Variants in RAD17 observed in about 807,000 individuals in gnomAD.
The protein encoded by RAD17 is RAD17 checkpoint clamp loader component.
In RAD17, 31 loss-of-function variants were observed where a neutral mutation model predicts 81.5. The ratio of observed to expected loss-of-function variants is 0.38; its 90% CI spans 0.29 to 0.51. The LOEUF (loss-of-function observed/expected upper bound fraction) is 0.51, where lower values mean the gene tolerates loss of function less well. RAD17 is among the 20% of genes least tolerant of loss of function. The pLI, the probability that RAD17 is intolerant of heterozygous loss-of-function variation, is 0.88. For missense variants in RAD17, 681 were observed against 781.2 expected (o/e 0.87, Z 1.53); for synonymous variants, 261 against 266.2 (o/e 0.98, Z 0.19).
intron 6 of RAD17, among the ~76,000 whole-genome samples, chr5:69,379,031 C>T (rs1264135412): frequency 6.6e-6 from 1 of 152,146 alleles, no homozygotes; most frequent in Non-Finnish European, 1.5e-5. Flanking sequence ...TACCTGATGT[C>T]AGGAATTCGA....
chr5:69,390,411 T>C (rs1764479202), intron 12 of RAD17, among the ~76,000 whole-genome samples: 1 of 152,124 alleles, frequency 6.6e-6, no homozygotes, highest in Admixed American at 6.5e-5. Flanking sequence ...GGTGGATCAC[T>C]TGAGCCTAGG....
chr5:69,370,462 C>G (rs1272056060), intron 1 of RAD17, among the ~76,000 whole-genome samples: 1 of 152,146 alleles, frequency 6.6e-6, no homozygotes, highest in Non-Finnish European at 1.5e-5. Flanking sequence ...GCCTTAGCCT[C>G]CAGAGTAGCT....
At chr5:69,395,512 A>G (rs1764827586) in intron 15 of RAD17, among the ~76,000 whole-genome samples, 1 of 152,164 alleles carries the variant, frequency 6.6e-6, no homozygotes. Context: ...ACCCTATTTT[A>G]AATAATAATA....
chr5:69,375,626 G>GTC (rs17229866), intron 6 of RAD17, among the ~76,000 whole-genome samples: 129,443 of 151,976 alleles, frequency 0.85, 56,435 homozygotes, highest in Non-Finnish European at 0.95. Context: ...ACTTCAGTAT[G>GTC]TCTGTTTTTT....
chr5:69,393,326 A>G (rs1287366097), intron 14 of RAD17, 28 bp from the exon 15 acceptor site: 1 of 1,580,350 alleles, frequency 6.3e-7, no homozygotes, highest in East Asian at 2.2e-5. Context: ...TTTTTACCAA[A>G]TTTATGTATA....
chr5:69,384,757 C>A (rs746574760), intron 7 of RAD17, 40 bp from the exon 8 acceptor site: 65 of 1,549,586 alleles, frequency 4.2e-5, no homozygotes, highest in Non-Finnish European at 5.4e-5. Flanking sequence ...TAATGTATAT[C>A]ATTTGTTGAA....
chr5:69,404,443 G>T (rs1372142490), intron 17 of RAD17, among the ~76,000 whole-genome samples: 2 of 152,114 alleles, frequency 1.3e-5, no homozygotes, highest in Non-Finnish European at 2.9e-5. Flanking sequence ...TCCAGCCTGG[G>T]CAACATGGTG....
In RAD17 at chr5:69,396,461, A is replaced by G. The variant is rs1480262397; in HGVS notation, c.1487A>G (p.Lys496Arg). Reference protein sequence around the residue: ...IATRGVMHSNKARGYAHCQGG... With the variant: ...IATRGVMHSNRARGYAHCQGG... ...ACGAGAGGTGTGATGCATTCCAACA[A>G]AGCCCGAGGATATGCTCATTGCCAA... The change falls in exon 16 of 19, where the codon AAA becomes AGA. Residue 496 changes from lysine (K) to arginine (R), a missense_variant. Lys to Arg is a conservative substitution (Grantham distance 26). Coordinates refer to ENST00000354868, the MANE Select transcript of RAD17 (RefSeq NM_133338.3). 6.2e-7 allele frequency: 1 copy of G among 1,613,708 alleles called. No individual in the cohort carries two copies. Among genetic ancestry groups the G allele is most frequent in the African/African-American group, 1.3e-5 (1 of 74,898 alleles).
intron 18 of RAD17, among the ~76,000 whole-genome samples, chr5:69,413,317 T>TA (rs1344641259): frequency 2.6e-5 from 4 of 152,118 alleles, no homozygotes; most frequent in Non-Finnish European, 5.9e-5. Context: ...CATGTGCCTG[T>TA]AATCCCAGCT....
chr5:69,386,470 G>A lies in RAD17; in HGVS notation c.894+5G>A. On this transcript the variant is annotated splice_donor_5th_base_variant and intron_variant, in intron 11 of 18. Transcript: ENST00000354868. The stretch of plus-strand genomic sequence containing the variant: ...GTGACTATAGAAGCTAACAAGGTAA[G>A]TCTCTGATTAATTAAACCTTACTCG... The A allele has an allele frequency of 6.3e-7, 1 of 1,576,550 alleles. No homozygotes were observed. Among genetic ancestry groups the A allele is most frequent in the Non-Finnish European group, 8.6e-7 (1 of 1,166,304 alleles).
rs1165051759 is a variant in RAD17 at position 69,386,301 on chromosome 5, A to G, written c.820A>G (p.Ile274Val). 6.3e-7 allele frequency: 1 copy of G among 1,593,394 alleles called. No individual in the cohort carries two copies. The highest frequency in any genetic ancestry group is 2.2e-5 in the East Asian group (1 of 44,504). ...EIQEECSISNISFNPVAPTIM... is the reference protein window; with the variant it reads ...EIQEECSISNVSFNPVAPTIM... Reference sequence around the variant, plus strand: ...TCAGGAAGAGTGTTCTATCTCAAATATTAGGTAAGAAAGAAATTTCTGCTT... The same window carrying G: ...TCAGGAAGAGTGTTCTATCTCAAATGTTAGGTAAGAAAGAAATTTCTGCTT... Residue 274 changes from isoleucine to valine, a missense_variant, in exon 10 of 19, where the codon ATT becomes GTT. Physicochemically the swap from Ile to Val is conservative, Grantham distance 29 (BLOSUM62 3). Transcript: ENST00000354868.
Position 69,384,930 on chromosome 5 carries a change from T to A in RAD17, c.642T>A (p.Val214=). The change falls in exon 8 of 19, where the codon GTT becomes GTA. Residue 214 remains valine (V), a synonymous_variant. Transcript: ENST00000354868. ...DLRTDKKIIL[V]EDLPNQFYRD... is the part of the protein sequence containing the mutation. ...GAACTGATAAGAAGATAATTCTGGT[T>A]GAAGTAAGGACAACTTTTAAAATCT... is the stretch of plus-strand genomic sequence containing the variant. 2 of 1,583,878 alleles carry A rather than the reference T, an allele frequency of 1.3e-6. No individual in the cohort carries two copies. The highest frequency in any genetic ancestry group is 1.2e-5 in the South Asian group (1 of 84,588).
rs1219448681 is a variant in RAD17, at chr5:69,377,548, TGC to T, written c.351+2838_351+2839del. On this transcript the variant is annotated intron_variant, in intron 6 of 18. Coordinates refer to ENST00000354868, the MANE Select transcript of RAD17 (RefSeq NM_133338.3). The stretch of plus-strand genomic sequence containing the variant: ...ATATGTGTATATATACGTATATATA[TGC>T]ATATATATGTATATATATATGCATA... 3.4e-4 allele frequency among the ~76,000 whole-genome samples: 8 copies of T among 23,632 alleles called. 3 individuals carry two copies. Among genetic ancestry groups the T allele is most frequent in the Admixed American group, 1.1e-3 (2 of 1,856 alleles). The allele number at this position is 23,632 out of a possible 152,430, so 15.5% of individuals were successfully genotyped here. A position where few individuals can be genotyped will look rare whatever the true frequency, so the allele number is the denominator to read the frequency against.
intron 17 of RAD17, among the ~76,000 whole-genome samples, chr5:69,406,041 C>CAA (rs57655302): frequency 3.0e-4 from 38 of 127,412 alleles, no homozygotes; most frequent in African/African-American, 1.1e-3. Flanking sequence ...GACTCCATCT[C>CAA]AAAAAAAAAA....
At chr5:69,374,756 TC>T (rs769918609) in intron 6 of RAD17, 45 bp downstream of exon 6, 135 of 1,443,326 alleles carry the variant, frequency 9.4e-5, no homozygotes, top group Non-Finnish European at 1.3e-4. Context: ...CAAATATTTT[TC>T]TGACTTACAG....
At chr5:69,377,435 GTGTGTATATATATA>G (rs1187622130) in intron 6 of RAD17, among the ~76,000 whole-genome samples, 4 of 23,074 alleles carry the variant, frequency 1.7e-4, no homozygotes, top group South Asian at 3.9e-3. Context: ...GTGTGTGTGT[GTGTGTATATATATA>G]TATATATATA....
chr5:69,389,146 G>GT lies in RAD17; in HGVS notation c.1006+2dup, dbSNP rs1764392467. ...AGCCTCCAGTTTTCTTCTTCAAAAG[G>GT]TAACTATGGAAGATACAGTCATGTG... is the stretch of plus-strand genomic sequence containing the variant. On this transcript the variant is annotated splice_donor_variant, in intron 12 of 18. Coordinates refer to ENST00000354868, the MANE Select transcript of RAD17 (RefSeq NM_133338.3). LOFTEE classifies it high-confidence loss of function. The GT allele has an allele frequency of 2.6e-6, 4 of 1,553,124 alleles. No individual in the cohort carries two copies. Among genetic ancestry groups the GT allele is most frequent in the Non-Finnish European group, 3.5e-6 (4 of 1,141,010 alleles).
At chr5:69,371,192 GT>G (rs763331085) in intron 2 of RAD17, 21 bp downstream of exon 2, 33 of 498,282 alleles carry the variant, frequency 6.6e-5, no homozygotes, top group Admixed American at 1.0e-4. Context: ...AGTATGTGTG[GT>G]TTTTTTGTTT....
intron 7 of RAD17, chr5:69,384,297 T>A (rs1392358029): frequency 6.5e-6 from 1 of 152,946 alleles, no homozygotes; most frequent in Non-Finnish European, 1.5e-5. Flanking sequence ...TACCGACAGC[T>A]GTGTTCTTAG....
Sources: allele counts gnomAD v4.1 joint callset (sites outside exome capture counted in the v4.1 genomes callset), GRCh38; gene constraint gnomAD v4.1.1; transcripts MANE v1.5; gene names NCBI Gene and HGNC (gene_info 2026-07-23, HGNC 2026-07-21).